Variants in MYOCD observed in about 807,000 individuals in gnomAD.
MYOCD encodes the protein myocardin.
MYOCD carries 32 observed loss-of-function variants against 96.1 expected under a neutral mutation model. The observed-to-expected ratio is 0.33, with a 90% CI of 0.25 to 0.45. The LOEUF (loss-of-function observed/expected upper bound fraction) is 0.45, where lower values mean the gene tolerates loss of function less well. Ranked by LOEUF, MYOCD falls within the 20% of genes least tolerant of loss-of-function variation. The pLI is 1.00. For synonymous variants in MYOCD, 469 were observed against 469.0 expected (o/e 1.00, Z 0.00); for missense variants, 1,133 against 1,200.6 (o/e 0.94, Z 0.83).
chr17:12,756,089 C>T (rs958343944), intron 10 of MYOCD, among the ~76,000 whole-genome samples: 1 of 152,072 alleles, frequency 6.6e-6, no homozygotes, highest in African/African-American at 2.4e-5. Context: ...ATGGAATGTA[C>T]AGGGCATGCT....
intron 1 of MYOCD, among the ~76,000 whole-genome samples, chr17:12,667,466 A>G (rs143863187): frequency 5.8e-4 from 89 of 152,208 alleles, no homozygotes; most frequent in African/African-American, 2.0e-3. Context: ...TTTCCTTTCC[A>G]TGGTGAGGTG....
intron 1 of MYOCD, among the ~76,000 whole-genome samples, chr17:12,677,883 CTCTT>C (rs2150635503): frequency 6.7e-6 from 1 of 148,752 alleles, no homozygotes; most frequent in Admixed American, 6.7e-5. Flanking sequence ...ATTATCATTT[CTCTT>C]TCTTTTTTGT....
At chr17:12,697,519 C>G (rs1374789658) in intron 1 of MYOCD, among the ~76,000 whole-genome samples, 1 of 151,374 alleles carries the variant, frequency 6.6e-6, no homozygotes, top group Admixed American at 6.6e-5. Context: ...CCCACCACTA[C>G]ACCTGGCTAA....
At chr17:12,758,663 G>A (rs536309957) in intron 12 of MYOCD, among the ~76,000 whole-genome samples, 1 of 152,176 alleles carries the variant, frequency 6.6e-6, no homozygotes, top group Non-Finnish European at 1.5e-5. Context: ...AACACTGACG[G>A]GTATTGAAGC....
At chr17:12,740,765 T>G (rs933173653) in intron 7 of MYOCD, among the ~76,000 whole-genome samples, 4 of 151,736 alleles carry the variant, frequency 2.6e-5, no homozygotes, top group African/African-American at 9.7e-5. Context: ...TGAGATGGAG[T>G]TTCACTCTTG....
At chr17:12,714,323 G>GCGCACACA (rs5819379) in intron 2 of MYOCD, among the ~76,000 whole-genome samples, 1 of 136,052 alleles carries the variant, frequency 7.4e-6, no homozygotes, top group Non-Finnish European at 1.6e-5. Context: ...TGAGGCACGT[G>GCGCACACA]CACACACACA....
chr17:12,742,446 G>GCCC (rs1253946970), intron 7 of MYOCD, among the ~76,000 whole-genome samples: 1 of 152,064 alleles, frequency 6.6e-6, no homozygotes, highest in Non-Finnish European at 1.5e-5. Context: ...CTGTTCAGGA[G>GCCC]CCCCCTCTTC....
intron 1 of MYOCD, among the ~76,000 whole-genome samples, chr17:12,685,236 T>G: frequency 6.7e-6 from 1 of 149,512 alleles, no homozygotes; most frequent in Admixed American, 6.7e-5. Context: ...GAGAGAGAGG[T>G]TGGCAGTGAG....
At chr17:12,750,970 G>A (rs945333347) in intron 9 of MYOCD, among the ~76,000 whole-genome samples, 1 of 151,908 alleles carries the variant, frequency 6.6e-6, no homozygotes, top group Non-Finnish European at 1.5e-5. Context: ...TATTATTTGT[G>A]TCACAATTCA....
rs10852811 is a variant in MYOCD, at chr17:12,709,232, T to C, written c.121+4039T>C. The stretch of plus-strand genomic sequence containing the variant: ...TGAAATTTTCTTCCTTCCCTTTTCC[T>C]GGGCATGCATTCTGCAGGGTTTGAG... On this transcript the variant is annotated intron_variant, in intron 2 of 13. Coordinates refer to ENST00000425538, the MANE Select transcript of MYOCD (RefSeq NM_001146312.3). Among the ~76,000 whole-genome samples, 4 of 152,196 alleles carry C rather than the reference T, an allele frequency of 2.6e-5. No homozygotes were observed. The East Asian group carries it at 7.7e-4, about 29-fold the overall frequency.
chr17:12,670,526 TTCACCATGAGCTC>T (rs760379571), intron 1 of MYOCD, among the ~76,000 whole-genome samples: 16 of 152,196 alleles, frequency 1.1e-4, no homozygotes, highest in Non-Finnish European at 1.9e-4. Context: ...TGAAGACATT[TTCACCATGAGCTC>T]GAGAGAAGCC....
chr17:12,763,311 T>C lies in MYOCD; in HGVS notation c.2628T>C (p.Ile876=). ...GKMSDVTLLK[I]GSEEPHFDGI... ...TGAGTGATGTCACCCTTCTAAAAAT[T>C]GGGAGCGAAGAGCCTCACTTTGATG... The change falls in exon 14 of 14, where the codon ATT becomes ATC. Residue 876 remains isoleucine, a synonymous_variant. Transcript: ENST00000425538. The C allele has an allele frequency of 6.2e-7, 1 of 1,609,370 alleles. No homozygotes were observed. The highest frequency in any genetic ancestry group is 1.1e-5 in the South Asian group (1 of 90,354).
At chr17:12,751,047 T>G (rs2032839920) in intron 9 of MYOCD, among the ~76,000 whole-genome samples, 1 of 152,154 alleles carries the variant, frequency 6.6e-6, no homozygotes, top group Non-Finnish European at 1.5e-5. Context: ...TTTTAAATTT[T>G]GTTTTCAATA....
intron 1 of MYOCD, among the ~76,000 whole-genome samples, chr17:12,667,348 G>C (rs1909430381): frequency 6.6e-6 from 1 of 152,190 alleles, no homozygotes; most frequent in Non-Finnish European, 1.5e-5. Context: ...CTTCATTGTT[G>C]ATGCAAGTTG....
In MYOCD at chr17:12,766,721, T is replaced by C. The variant is rs559460283; in HGVS notation, c.*3077T>C. On this transcript the variant is annotated 3_prime_UTR_variant, in exon 14 of 14. Transcript: ENST00000425538. ...TCACATTCAAGTTCCCTAATGCTCTTAGAACCTGAAGATGACCATGTGTAG... is the reference window on the plus strand; with the variant it reads ...TCACATTCAAGTTCCCTAATGCTCTCAGAACCTGAAGATGACCATGTGTAG... 3 of 152,304 alleles carry C rather than the reference T, an allele frequency of 2.0e-5. No individual in the cohort carries two copies. The South Asian group carries it at 6.2e-4, about 32-fold the overall frequency. 9.4% of individuals were successfully genotyped at this position (152,304 alleles called of 1,614,324 possible). A position where few individuals can be genotyped will look rare whatever the true frequency, so the allele number is the denominator to read the frequency against.
At chr17:12,746,103 T>C (rs771681261) in intron 9 of MYOCD, 31 bp downstream of exon 9, 13 of 1,608,870 alleles carry the variant, frequency 8.1e-6, no homozygotes, top group Non-Finnish European at 1.1e-5. Context: ...TTCTTTCTTT[T>C]TTTAAACAAA....
chr17:12,698,729 CTTTTTTTTTTTT>C (rs55758881), intron 1 of MYOCD, among the ~76,000 whole-genome samples: 6 of 64,082 alleles, frequency 9.4e-5, no homozygotes, highest in African/African-American at 1.8e-4. Context: ...ACCAGACCCT[CTTTTTTTTTTTT>C]TTTTTTTTTT....
At position 12,739,305 on chromosome 17, in the gene MYOCD, A is replaced by G. The variant is rs139286057; in HGVS notation, c.694A>G (p.Ile232Val). The G allele has an allele frequency of 3.7e-6, 6 of 1,604,682 alleles. No homozygotes were observed. In the African/African-American group the frequency reaches 4.0e-5, roughly 11 times the overall value. The change falls in exon 7 of 14, where the codon ATA becomes GTA. Residue 232 changes from isoleucine to valine, a missense_variant. By Grantham distance (29) the Ile-to-Val change is conservative. Coordinates refer to ENST00000425538, the MANE Select transcript of MYOCD (RefSeq NM_001146312.3). ...KQGLGPPSTP[I>V]AVHAAVKSKS... Reference sequence around the variant, plus strand: ...GGGGCTTGGCCCCCCCAGCACCCCCATAGCCGTGCATGCTGCTGTAAAGGT... The same window carrying G: ...GGGGCTTGGCCCCCCCAGCACCCCCGTAGCCGTGCATGCTGCTGTAAAGGT...
At chr17:12,758,033 A>G (rs1640721134) in intron 11 of MYOCD, 52 bp from the exon 12 acceptor site, 5 of 1,385,618 alleles carry the variant, frequency 3.6e-6, no homozygotes, top group South Asian at 1.2e-5. Context: ...CAGAAACAAC[A>G]TAATTTCAGA....
Sources: gnomAD v4.1 joint callset for allele counts (sites outside exome capture counted in the v4.1 genomes callset) on GRCh38, gnomAD v4.1.1 for gene constraint, MANE v1.5 for transcripts, NCBI Gene and HGNC (gene_info 2026-07-23, HGNC 2026-07-21) for gene names.